The following LSM12 variants were observed in gnomAD, a reference collection of about 807,000 sequenced individuals.
LSM12 encodes the protein LSM12 homolog, also known as protein LSM12.
For missense variants in LSM12, 108 were observed against 238.9 expected, an observed-to-expected ratio of 0.45 and a Z score of 3.61; for synonymous variants, 74 against 87.3, an observed-to-expected ratio of 0.85 and a Z score of 0.85.
intron 2 of LSM12, among the ~76,000 whole-genome samples, chr17:44,059,291 G>C (rs1345837729): frequency 6.6e-6 from 1 of 152,058 alleles, no homozygotes; most frequent in African/African-American, 2.4e-5. Flanking sequence ...CAAAGTAATA[G>C]AAAAACAGGG....
chr17:44,048,776 G>C (rs758846828), intron 2 of LSM12, among the ~76,000 whole-genome samples: 2 of 152,134 alleles, frequency 1.3e-5, no homozygotes, highest in Admixed American at 6.6e-5. Context: ...ATGATTCCCA[G>C]TGAAAACACA....
At chr17:44,042,782 T>C (rs62078884) in intron 2 of LSM12, among the ~76,000 whole-genome samples, 22,562 of 152,144 alleles carry the variant, frequency 0.15, 2,094 homozygotes, top group Non-Finnish European at 0.2. Context: ...TTAGCCAGGA[T>C]GGTCTCGATC....
chr17:44,048,423 AG>A (rs1029684077), intron 2 of LSM12, among the ~76,000 whole-genome samples: 4 of 150,678 alleles, frequency 2.7e-5, no homozygotes, highest in Non-Finnish European at 5.9e-5. Context: ...CGGAGGTTTC[AG>A]TTAGCCGAGC....
intron 2 of LSM12, among the ~76,000 whole-genome samples, chr17:44,056,283 A>T (rs2144102693): frequency 6.7e-6 from 1 of 150,026 alleles, no homozygotes; most frequent in East Asian, 2.0e-4. Context: ...GAACAAGAGT[A>T]AAACTCTGTC....
At chr17:44,065,590 G>A (rs1054410029) in intron 1 of LSM12, among the ~76,000 whole-genome samples, 9 of 152,118 alleles carry the variant, frequency 5.9e-5, no homozygotes, top group African/African-American at 2.2e-4. Flanking sequence ...GTTTCCTGGA[G>A]TAATTCAGAA....
At chr17:44,041,334 A>AACACACACAC (rs1389054042) in intron 2 of LSM12, among the ~76,000 whole-genome samples, 4 of 104,542 alleles carry the variant, frequency 3.8e-5, no homozygotes, top group African/African-American at 1.5e-4. Flanking sequence ...CACACACACA[A>AACACACACAC]ACACACACAC....
At chr17:44,054,330 T>C (rs779824581) in intron 2 of LSM12, among the ~76,000 whole-genome samples, 58 of 152,146 alleles carry the variant, frequency 3.8e-4, no homozygotes, top group Admixed American at 8.5e-4. Flanking sequence ...TTGTTGTTTT[T>C]AGACAGGGTC....
At position 44,063,793 on chromosome 17, in the gene LSM12, G is replaced by A. The variant is rs760062745; in HGVS notation, c.258+8C>T. On this transcript the variant is annotated splice_region_variant and intron_variant, in intron 2 of 4. Coordinates refer to ENST00000293406, the MANE Select transcript of LSM12 (RefSeq NM_001371445.1). Reference sequence around the variant, plus strand: ...TTTAGAGAGCCAGATCTGCCCTTGAGTCCTTACCTTACTAACATTGAGTGA... The same window carrying A: ...TTTAGAGAGCCAGATCTGCCCTTGAATCCTTACCTTACTAACATTGAGTGA... 1.3e-4 allele frequency: 216 copies of A among 1,612,840 alleles called. No homozygotes were observed. The highest frequency in any genetic ancestry group is 1.8e-4 in the Non-Finnish European group (210 of 1,179,714).
intron 2 of LSM12, among the ~76,000 whole-genome samples, chr17:44,041,959 C>T (rs187160565): frequency 6.6e-6 from 1 of 152,316 alleles, no homozygotes; most frequent in Admixed American, 6.5e-5. Context: ...CGCGAGAACA[C>T]ACAATTTGTC....
intron 2 of LSM12, among the ~76,000 whole-genome samples, chr17:44,048,021 AC>A (rs2049593799): frequency 1.3e-4 from 1 of 7,650 alleles, no homozygotes; most frequent in Non-Finnish European, 2.2e-4. Flanking sequence ...CGTATTAAAC[AC>A]ACACACACAC....
intron 2 of LSM12, among the ~76,000 whole-genome samples, chr17:44,050,090 CTTCA>C (rs1286353780): frequency 6.6e-6 from 1 of 152,006 alleles, no homozygotes; most frequent in Non-Finnish European, 1.5e-5. Flanking sequence ...CTTGGAAAGC[CTTCA>C]TTCTTTTTAT....
At chr17:44,057,752 C>G (rs896709226) in intron 2 of LSM12, among the ~76,000 whole-genome samples, 5 of 150,732 alleles carry the variant, frequency 3.3e-5, no homozygotes, top group Non-Finnish European at 7.4e-5. Flanking sequence ...GACGGAGACT[C>G]TGTCTCAAAA....
At chr17:44,066,416 C>T in intron 1 of LSM12, 48 bp downstream of exon 1, 2 of 1,502,054 alleles carry the variant, frequency 1.3e-6, no homozygotes, top group Non-Finnish European at 1.8e-6. Flanking sequence ...CCCCGACCAC[C>T]GCACCTACAC....
intron 2 of LSM12, among the ~76,000 whole-genome samples, chr17:44,044,572 G>A (rs572451021): frequency 7.9e-5 from 12 of 152,230 alleles, no homozygotes; most frequent in African/African-American, 2.2e-4. Flanking sequence ...TTAGGGATCC[G>A]GACTCAGCTA....
chr17:44,037,972 A>G (rs1335153838), intron 3 of LSM12, among the ~76,000 whole-genome samples: 2 of 152,234 alleles, frequency 1.3e-5, no homozygotes, highest in African/African-American at 2.4e-5. Context: ...TAGCATGGAC[A>G]ATAGGTAAAA....
intron 2 of LSM12, among the ~76,000 whole-genome samples, chr17:44,046,719 A>C (rs1471203963): frequency 6.6e-6 from 1 of 150,524 alleles, no homozygotes; most frequent in Non-Finnish European, 1.5e-5. Flanking sequence ...CAAAAAAAAA[A>C]AAAAAAAAGG....
At chr17:44,038,312 C>T (rs1206027088) in intron 3 of LSM12, among the ~76,000 whole-genome samples, 3 of 150,360 alleles carry the variant, frequency 2.0e-5, no homozygotes, top group Non-Finnish European at 4.4e-5. Flanking sequence ...TAAAATCGCA[C>T]CACTGCACTC....
rs571568245 is a variant in LSM12 at position 44,045,744 on chromosome 17, G to A, written c.259-5488C>T. ...CACCACCACGCCCAGCTAAGGTGTT[G>A]TATTTTTTTGTAGAGACAGGGTTTC... On this transcript the variant is annotated intron_variant, in intron 2 of 4. Transcript: ENST00000293406. Among the ~76,000 whole-genome samples the A allele has an allele frequency of 6.4e-4, 96 of 151,034 alleles. 2 individuals carry two copies. Among genetic ancestry groups the A allele is most frequent in the African/African-American group, 2.2e-3 (92 of 41,116 alleles).
rs1417780683 is a variant in LSM12 at position 44,066,567 on chromosome 17, C to T, written c.21G>A (p.Glu7=). Residue 7 remains glutamate, a synonymous_variant, in exon 1 of 5, where the codon GAG becomes GAA. Coordinates refer to ENST00000293406, the MANE Select transcript of LSM12 (RefSeq NM_001371445.1). ...ACACCTGGCTCCCAACGCTGAAGTA[C>T]TCGCCCGGAGGAGCCGCCATCTTGG... MAAPPG[E]YFSVGSQVSC... 5 of 1,482,180 alleles carry T rather than the reference C, an allele frequency of 3.4e-6. No individual in the cohort carries two copies. The highest frequency in any genetic ancestry group is 9.0e-7 in the Non-Finnish European group (1 of 1,113,864). 91.8% of individuals were successfully genotyped at this position (1,482,180 alleles called of 1,614,324 possible).
Sources: allele counts gnomAD v4.1 joint callset (sites outside exome capture counted in the v4.1 genomes callset), GRCh38; gene constraint gnomAD v4.1.1; transcripts MANE v1.5; gene names NCBI Gene and HGNC (gene_info 2026-07-23, HGNC 2026-07-21).